Variants in DGAT2 observed in about 807,000 individuals in gnomAD.
DGAT2 encodes diacylglycerol O-acyltransferase 2, also known as acyl-CoA retinol O-fatty-acyltransferase.
A neutral mutation model predicts 48.4 loss-of-function variants in DGAT2; 33 were observed. The observed-to-expected ratio is 0.68, with a 90% CI of 0.52 to 0.91. The LOEUF is 0.91. DGAT2 is among the 40% of genes least tolerant of loss of function. DGAT2 has a pLI of 0.00. For synonymous variants in DGAT2, 191 were observed against 194.1 expected, an observed-to-expected ratio of 0.98 and a Z score of 0.13; for missense variants, 446 against 493.7, an observed-to-expected ratio of 0.90 and a Z score of 0.92.
rs763814859 is a variant in DGAT2, at chr11:75,796,374, G to C, written c.476G>C (p.Gly159Ala). 5.6e-6 allele frequency: 9 copies of C among 1,614,012 alleles called. No individual in the cohort carries two copies. In the Admixed American group the frequency reaches 1.3e-4, roughly 24 times the overall value. ...CTGACCACCAGGAACTATATCTTTGGATACCACCCCCATGGTATCATGGGC... is the reference window on the plus strand; with the variant it reads ...CTGACCACCAGGAACTATATCTTTGCATACCACCCCCATGGTATCATGGGC... ...NLLTTRNYIFGYHPHGIMGLG... is the reference protein window; with the variant it reads ...NLLTTRNYIFAYHPHGIMGLG... The change falls in exon 5 of 8, where the codon GGA becomes GCA. Residue 159 changes from glycine to alanine, a missense_variant. By Grantham distance (60) the Gly-to-Ala change is moderately conservative. Transcript: ENST00000228027.
At chr11:75,782,954 C>T (rs1415190072) in intron 1 of DGAT2, among the ~76,000 whole-genome samples, 1 of 152,194 alleles carries the variant, frequency 6.6e-6, no homozygotes, top group Non-Finnish European at 1.5e-5. Flanking sequence ...CCAGAGGGCT[C>T]TCAGGCTCTA....
intron 4 of DGAT2, chr11:75,793,050 C>T (rs1244105315): frequency 1.3e-5 from 2 of 152,226 alleles, no homozygotes; most frequent in African/African-American, 4.8e-5. Context: ...ATCTGAGCAC[C>T]TTGCCTCTCC....
chr11:75,776,416 A>G, intron 1 of DGAT2: 1 of 152,414 alleles, frequency 6.6e-6, no homozygotes, highest in Non-Finnish European at 1.5e-5. Flanking sequence ...TGGGACAGGC[A>G]GGGATGCGGT....
chr11:75,788,664 G>A (rs182804788), intron 2 of DGAT2, among the ~76,000 whole-genome samples: 14 of 152,326 alleles, frequency 9.2e-5, no homozygotes, highest in Non-Finnish European at 5.9e-5. Flanking sequence ...TGAGAAGAGA[G>A]CATGACATCC....
At chr11:75,784,969 A>G (rs868070977) in intron 2 of DGAT2, among the ~76,000 whole-genome samples, 12 of 152,286 alleles carry the variant, frequency 7.9e-5, no homozygotes, top group Middle Eastern at 6.8e-3. Context: ...GTGGTGTGAT[A>G]GTTCCCATTT....
intron 1 of DGAT2, 116 bp from the exon 2 acceptor site, chr11:75,784,502 A>G (rs1276002905): frequency 2.1e-6 from 3 of 1,419,452 alleles, no homozygotes; most frequent in African/African-American, 2.8e-5. Context: ...GTCTGATTCT[A>G]TAGCTGATGC....
intron 4 of DGAT2, chr11:75,794,726 T>C (rs1322506810): frequency 2.0e-5 from 3 of 152,202 alleles, no homozygotes; most frequent in Non-Finnish European, 2.9e-5. Flanking sequence ...TAGAAAATGA[T>C]ATAAAAATGA....
chr11:75,777,671 C>T (rs912129487), intron 1 of DGAT2, among the ~76,000 whole-genome samples: 1 of 152,188 alleles, frequency 6.6e-6, no homozygotes, highest in Non-Finnish European at 1.5e-5. Context: ...GTTTTCGGCA[C>T]TGACTCCAGG....
At chr11:75,771,441 A>G (rs1285626231) in intron 1 of DGAT2, among the ~76,000 whole-genome samples, 1 of 151,954 alleles carries the variant, frequency 6.6e-6, no homozygotes, top group Non-Finnish European at 1.5e-5. Context: ...TAAAATTTTG[A>G]GCTGATTTGT....
chr11:75,790,258 C>T lies in DGAT2; in HGVS notation c.321C>T (p.Phe107=), dbSNP rs1306992015. 1 of 1,614,212 alleles carries T rather than the reference C, an allele frequency of 6.2e-7. No homozygotes were observed. Among genetic ancestry groups the T allele is most frequent in the East Asian group, 2.2e-5 (1 of 44,886 alleles). The change falls in exon 3 of 8, where the codon TTC becomes TTT. Residue 107 remains phenylalanine, a synonymous_variant. Transcript: ENST00000228027. ...TDCWLIAVLY[F]TWLVFDWNTP... is the part of the protein sequence containing the mutation. ...GCTGGCTCATCGCTGTGCTCTACTT[C>T]ACTTGGCTGGTGTTTGACTGGAACA...
Position 75,768,801 on chromosome 11 carries a change from G to A in DGAT2, c.-191G>A, listed in dbSNP as rs374611511. The A allele has an allele frequency of 4.7e-6, 3 of 633,878 alleles. No individual in the cohort carries two copies. The highest frequency in any genetic ancestry group is 3.6e-5 in the South Asian group (1 of 27,754). The allele number at this position is 633,878 out of a possible 1,614,324, so 39.3% of individuals were successfully genotyped here. A position where few individuals can be genotyped will look rare whatever the true frequency, so the allele number is the denominator to read the frequency against. ...GCGCCGCGGCTGCCGCCTCTGCTGG[G>A]GTCTAGGCTGTTTCTCTCGCGCCAC... On this transcript the variant is annotated 5_prime_UTR_variant, in exon 1 of 8. Coordinates refer to ENST00000228027, the MANE Select transcript of DGAT2 (RefSeq NM_032564.5).
At chr11:75,788,451 C>G (rs767975575) in intron 2 of DGAT2, among the ~76,000 whole-genome samples, 1 of 152,156 alleles carries the variant, frequency 6.6e-6, no homozygotes, top group Non-Finnish European at 1.5e-5. Flanking sequence ...TTGGACATCT[C>G]GTCACTCTGT....
At chr11:75,778,311 T>A (rs566364974) in intron 1 of DGAT2, among the ~76,000 whole-genome samples, 10 of 152,252 alleles carry the variant, frequency 6.6e-5, no homozygotes, top group Middle Eastern at 3.4e-3. Context: ...GACCCCTAGA[T>A]CTTGTCTTCA....
At position 75,800,852 on chromosome 11, in the gene DGAT2, G is replaced by T. The variant is rs1472721568; in HGVS notation, c.*344G>T. 8.3e-6 allele frequency: 2 copies of T among 241,966 alleles called. No individual in the cohort carries two copies. Among genetic ancestry groups the T allele is most frequent in the Admixed American group, 5.4e-5 (1 of 18,594 alleles). The allele number at this position is 241,966 out of a possible 1,614,324, so 15.0% of individuals were successfully genotyped here. A position where few individuals can be genotyped will look rare whatever the true frequency, so the allele number is the denominator to read the frequency against. On this transcript the variant is annotated 3_prime_UTR_variant, in exon 8 of 8. Coordinates refer to ENST00000228027, the MANE Select transcript of DGAT2 (RefSeq NM_032564.5). ...GGACCAGTTAGATGATTCACTTTTT[G>T]CCCCTAGGGATGAGAGGCGAAAGCC...
At chr11:75,773,188 G>A (rs915447549) in intron 1 of DGAT2, among the ~76,000 whole-genome samples, 1 of 152,210 alleles carries the variant, frequency 6.6e-6, no homozygotes, top group African/African-American at 2.4e-5. Flanking sequence ...TTTAGCTTCA[G>A]TGTGATTCCT....
intron 4 of DGAT2, among the ~76,000 whole-genome samples, chr11:75,791,955 G>T (rs1039484111): frequency 6.6e-6 from 1 of 152,228 alleles, no homozygotes; most frequent in African/African-American, 2.4e-5. Context: ...GGAGCTGTCT[G>T]TATGATGAAA....
In DGAT2 at chr11:75,768,861, C is replaced by T; in HGVS notation, c.-131C>T. The T allele has an allele frequency of 8.3e-7, 1 of 1,206,618 alleles. No homozygotes were observed. The highest frequency in any genetic ancestry group is 1.1e-6 in the Non-Finnish European group (1 of 938,644). The allele number at this position is 1,206,618 out of a possible 1,614,324, so 74.7% of individuals were successfully genotyped here. On this transcript the variant is annotated 5_prime_UTR_variant, in exon 1 of 8. Coordinates refer to ENST00000228027, the MANE Select transcript of DGAT2 (RefSeq NM_032564.5). ...CCGGCCGCAGCTCCAGGTGTCCTAG[C>T]CGCCCAGCCTCGACGCCGTCCCGGG...
chr11:75,797,385 G>A, intron 6 of DGAT2, 53 bp downstream of exon 6: 1 of 1,377,146 alleles, frequency 7.3e-7, no homozygotes, highest in Non-Finnish European at 9.4e-7. Flanking sequence ...TCAGCCCAGG[G>A]CAGCAGACTC....
intron 3 of DGAT2, 24 bp downstream of exon 3, chr11:75,790,319 C>G: frequency 6.4e-7 from 1 of 1,569,998 alleles, no homozygotes; most frequent in East Asian, 2.2e-5. Flanking sequence ...CTCCCTTGCC[C>G]CACCTCTCAT....
Sources: allele counts gnomAD v4.1 joint callset (sites outside exome capture counted in the v4.1 genomes callset), GRCh38; gene constraint gnomAD v4.1.1; transcripts MANE v1.5; gene names NCBI Gene and HGNC (gene_info 2026-07-23, HGNC 2026-07-21).